PTPRN2: variants seen among roughly 807,000 people sequenced by gnomAD.
PTPRN2 encodes protein tyrosine phosphatase receptor type N2.
PTPRN2 carries 74 observed loss-of-function variants against 118.8 expected under a neutral mutation model. The ratio of observed to expected loss-of-function variants is 0.62; its 90% confidence interval spans 0.52 to 0.76. The LOEUF (loss-of-function observed/expected upper bound fraction) is 0.76, where lower values mean the gene tolerates loss of function less well. PTPRN2 is among the 30% of genes least tolerant of loss of function. The probability of loss-of-function intolerance (pLI) is 0.00; values close to 1 mark genes in which losing one functional copy is unlikely to be tolerated. For synonymous variants in PTPRN2, 641 were observed against 608.0 expected (o/e 1.05, Z -0.80); for missense variants, 1,481 against 1,394.4 (o/e 1.06, Z -0.99).
intron 11 of PTPRN2, among the ~76,000 whole-genome samples, chr7:158,018,966 C>CAAAAAAAAAAAAAAAA (rs753498681): frequency 3.0e-5 from 2 of 65,828 alleles, no homozygotes; most frequent in African/African-American, 5.2e-5. Context: ...GTTTCAAAAA[C>CAAAAAAAAAAAAAAAA]AAAAAAAAAA....
intron 11 of PTPRN2, among the ~76,000 whole-genome samples, chr7:157,904,602 G>A (rs1053526284): frequency 3.3e-5 from 5 of 152,274 alleles, no homozygotes; most frequent in African/African-American, 4.8e-5. Context: ...AGATTGCTGA[G>A]TGCTTTTCGG....
chr7:157,566,941 G>C (rs901676295), intron 21 of PTPRN2, among the ~76,000 whole-genome samples: 5 of 152,174 alleles, frequency 3.3e-5, no homozygotes, highest in Non-Finnish European at 7.4e-5. Flanking sequence ...AATCACAGGT[G>C]CCCCCAGCAA....
chr7:158,376,523 A>C (rs1307752991), intron 2 of PTPRN2, among the ~76,000 whole-genome samples: 3 of 92,210 alleles, frequency 3.3e-5, no homozygotes, highest in African/African-American at 1.4e-4. Context: ...ACGTCCTGAG[A>C]GGGGGGTCAG....
At chr7:158,181,695 T>C (rs1263644736) in intron 5 of PTPRN2, among the ~76,000 whole-genome samples, 1 of 150,530 alleles carries the variant, frequency 6.6e-6, no homozygotes. Context: ...AATATATTCG[T>C]GTATTCATTT....
chr7:157,915,557 A>G (rs4716805), intron 11 of PTPRN2, among the ~76,000 whole-genome samples: 117,375 of 151,322 alleles, frequency 0.78, 45,841 homozygotes, highest in African/African-American at 0.86. Context: ...ATCGGTCACC[A>G]TTACCCTGCA....
rs575809312 is a variant in PTPRN2 at position 157,752,253 on chromosome 7, G to A, written c.1789-69316C>T. Among the ~76,000 whole-genome samples, 7 of 152,320 alleles carry A rather than the reference G, an allele frequency of 4.6e-5. No homozygotes were observed. In the South Asian group the frequency reaches 8.3e-4, roughly 18 times the overall value. On this transcript the variant is annotated intron_variant, in intron 12 of 22. Coordinates refer to ENST00000389418, the MANE Select transcript of PTPRN2 (RefSeq NM_002847.5). ...ACAGGTCGGCCATCACGGATGTAGC[G>A]GGGAACGTCGTAAGTGCTGCCTCAA...
chr7:158,520,717 T>C (rs558376584), intron 1 of PTPRN2, among the ~76,000 whole-genome samples: 1 of 152,306 alleles, frequency 6.6e-6, no homozygotes, highest in Admixed American at 6.5e-5. Flanking sequence ...TCAACCATAT[T>C]ACCAATAGAA....
intron 12 of PTPRN2, among the ~76,000 whole-genome samples, chr7:157,750,022 G>C (rs1179537193): frequency 1.3e-5 from 2 of 152,062 alleles, no homozygotes; most frequent in Admixed American, 6.6e-5. Context: ...CTGTTCGGGT[G>C]ACTCTGAGGC....
intron 12 of PTPRN2, among the ~76,000 whole-genome samples, chr7:157,704,275 G>A (rs1209142506): frequency 6.6e-6 from 1 of 152,182 alleles, no homozygotes; most frequent in East Asian, 1.9e-4. Flanking sequence ...GCTCTTGGCT[G>A]TAAGGTGCTC....
intron 21 of PTPRN2, among the ~76,000 whole-genome samples, chr7:157,559,246 C>T (rs1258092438): frequency 1.3e-5 from 2 of 152,198 alleles, no homozygotes; most frequent in African/African-American, 4.8e-5. Flanking sequence ...GCGCTAGGAA[C>T]GGACGCTTGG....
chr7:158,128,598 C>A (rs1045947131), intron 9 of PTPRN2, among the ~76,000 whole-genome samples: 1 of 152,184 alleles, frequency 6.6e-6, no homozygotes, highest in Non-Finnish European at 1.5e-5. Flanking sequence ...CCAGAAAGTG[C>A]GAGGCTGCTG....
Position 158,167,262 on chromosome 7 carries a change from C to G in PTPRN2, c.579G>C (p.Leu193=). 1 of 1,608,536 alleles carries G rather than the reference C, an allele frequency of 6.2e-7. No individual in the cohort carries two copies. The highest frequency in any genetic ancestry group is 1.1e-5 in the South Asian group (1 of 90,444). ...GCGCAGACGTGTGGGCCACATAGGT[C>G]AGGATGCTCTCGGAGAAGCGGTCAT... is the stretch of plus-strand genomic sequence containing the variant. ...EGDDRFSESI[L]TYVAHTSALT... The change falls in exon 6 of 23, where the codon CTG becomes CTC. Residue 193 remains leucine (L), a synonymous_variant. Coordinates refer to ENST00000389418, the MANE Select transcript of PTPRN2 (RefSeq NM_002847.5).
At chr7:158,584,670 G>C (rs1011149156) in intron 1 of PTPRN2, among the ~76,000 whole-genome samples, 1 of 152,206 alleles carries the variant, frequency 6.6e-6, no homozygotes, top group African/African-American at 2.4e-5. Context: ...CAGGGGAAAA[G>C]AGAGGAAGCA....
intron 11 of PTPRN2, among the ~76,000 whole-genome samples, chr7:158,072,169 C>G (rs1312189509): frequency 6.6e-6 from 1 of 151,444 alleles, no homozygotes; most frequent in African/African-American, 2.4e-5. Context: ...CCTTTTGGTT[C>G]TGCTGACCAG....
intron 12 of PTPRN2, among the ~76,000 whole-genome samples, chr7:157,703,274 C>T (rs927953206): frequency 1.3e-5 from 2 of 152,178 alleles, no homozygotes; most frequent in African/African-American, 2.4e-5. Context: ...ACACTGGGGT[C>T]CCCGACCGAC....
intron 11 of PTPRN2, among the ~76,000 whole-genome samples, chr7:157,914,543 A>G (rs1192123205): frequency 6.6e-6 from 1 of 151,944 alleles, no homozygotes; most frequent in Non-Finnish European, 1.5e-5. Context: ...ATGGTGATAG[A>G]GTGTGCCTCT....
At chr7:157,821,904 G>A (rs763711486) in intron 12 of PTPRN2, among the ~76,000 whole-genome samples, 1 of 152,012 alleles carries the variant, frequency 6.6e-6, no homozygotes, top group Non-Finnish European at 1.5e-5. Context: ...ATCCATCCAG[G>A]CACTCATTCA....
At chr7:158,358,146 G>A (rs1808540437) in intron 2 of PTPRN2, among the ~76,000 whole-genome samples, 1 of 152,226 alleles carries the variant, frequency 6.6e-6, no homozygotes, top group South Asian at 2.1e-4. Flanking sequence ...CCTGCAGGCG[G>A]GGACTGGGTG....
chr7:157,708,556 T>G (rs1250264935), intron 12 of PTPRN2, among the ~76,000 whole-genome samples: 1 of 151,950 alleles, frequency 6.6e-6, no homozygotes, highest in African/African-American at 2.4e-5. Flanking sequence ...GGGCTCTCGG[T>G]GAGACTGAGA....
Sources: gnomAD v4.1 joint callset for allele counts (sites outside exome capture counted in the v4.1 genomes callset) on GRCh38, gnomAD v4.1.1 for gene constraint, MANE v1.5 for transcripts, NCBI Gene and HGNC (gene_info 2026-07-23, HGNC 2026-07-21) for gene names.